Variants in SCFD2 observed in about 807,000 individuals in gnomAD.
The protein encoded by SCFD2 is sec1 family domain containing 2, also known as sec1 family domain-containing protein 2.
In SCFD2, 54 loss-of-function variants were observed where a neutral mutation model predicts 58.9. The ratio of observed to expected loss-of-function variants is 0.92; its 90% CI spans 0.74 to 1.15. The LOEUF (loss-of-function observed/expected upper bound fraction) is 1.15. Among genes scored for constraint, SCFD2 ranks in the 50% most tolerant of loss-of-function variants. SCFD2 has a pLI of 0.00. For synonymous variants in SCFD2, 321 were observed against 335.9 expected, an observed-to-expected ratio of 0.96 and a Z score of 0.49; for missense variants, 805 against 836.6, an observed-to-expected ratio of 0.96 and a Z score of 0.47.
intron 4 of SCFD2, among the ~76,000 whole-genome samples, chr4:53,207,491 T>TATATATACACACACACACATAA (rs1423322157): frequency 4.6e-5 from 1 of 21,790 alleles, no homozygotes; most frequent in African/African-American, 2.1e-4. Flanking sequence ...TATATATATA[T>TATATATACACACACACACATAA]TTCATATATA....
chr4:53,336,762 G>A (rs1322176337), intron 2 of SCFD2, among the ~76,000 whole-genome samples: 3 of 152,100 alleles, frequency 2.0e-5, no homozygotes. Context: ...TGATCCTCCT[G>A]TCTTGGCCTC....
At chr4:53,345,647 T>C (rs575809341) in intron 2 of SCFD2, among the ~76,000 whole-genome samples, 24 of 151,888 alleles carry the variant, frequency 1.6e-4, no homozygotes, top group African/African-American at 4.9e-4. Flanking sequence ...CACACGCACA[T>C]GTATGTTTAT....
intron 7 of SCFD2, among the ~76,000 whole-genome samples, chr4:52,896,067 T>C (rs1719001185): frequency 6.6e-6 from 1 of 152,186 alleles, no homozygotes. Context: ...TATTAGCCCT[T>C]TGTCAGATGA....
intron 3 of SCFD2, among the ~76,000 whole-genome samples, chr4:53,300,189 G>A (rs1361248446): frequency 6.6e-6 from 1 of 152,118 alleles, no homozygotes; most frequent in African/African-American, 2.4e-5. Context: ...TCAGTATGCT[G>A]TATTCAGGAA....
chr4:53,024,082 C>A (rs972041993), intron 5 of SCFD2, among the ~76,000 whole-genome samples: 2 of 152,112 alleles, frequency 1.3e-5, no homozygotes, highest in Non-Finnish European at 2.9e-5. Flanking sequence ...AAACAACCAA[C>A]CAATGGAAAC....
intron 5 of SCFD2, among the ~76,000 whole-genome samples, chr4:53,136,462 C>T (rs1725945998): frequency 6.6e-6 from 1 of 152,176 alleles, no homozygotes; most frequent in Non-Finnish European, 1.5e-5. Context: ...ATCCACAAAA[C>T]TCCCAAAAAG....
intron 2 of SCFD2, among the ~76,000 whole-genome samples, chr4:53,330,335 C>G (rs957498334): frequency 2.0e-5 from 3 of 151,664 alleles, no homozygotes; most frequent in African/African-American, 7.3e-5. Flanking sequence ...ATGTTCAGGG[C>G]AGCCAGAGAG....
intron 4 of SCFD2, among the ~76,000 whole-genome samples, chr4:53,214,269 C>T (rs537944159): frequency 6.6e-6 from 1 of 152,238 alleles, no homozygotes; most frequent in Non-Finnish European, 1.5e-5. Context: ...TACAATCCCA[C>T]CAACAGTGTA....
intron 4 of SCFD2, among the ~76,000 whole-genome samples, chr4:53,243,712 A>G (rs1446588915): frequency 2.0e-5 from 3 of 152,036 alleles, no homozygotes; most frequent in Non-Finnish European, 2.9e-5. Flanking sequence ...AAAAGAGAGA[A>G]AAAAAAGAAC....
intron 5 of SCFD2, among the ~76,000 whole-genome samples, chr4:53,056,622 G>T (rs1723348515): frequency 6.6e-6 from 1 of 152,016 alleles, no homozygotes; most frequent in African/African-American, 2.4e-5. Flanking sequence ...GAACTGTCAT[G>T]ACTTCATTCT....
chr4:53,226,560 C>T (rs1560396544), intron 4 of SCFD2, among the ~76,000 whole-genome samples: 2 of 151,854 alleles, frequency 1.3e-5, no homozygotes, highest in South Asian at 4.1e-4. Flanking sequence ...CAATGAAGTT[C>T]ATAAAATAAA....
chr4:52,902,269 T>C (rs911425209), intron 7 of SCFD2, among the ~76,000 whole-genome samples: 1 of 152,204 alleles, frequency 6.6e-6, no homozygotes, highest in Non-Finnish European at 1.5e-5. Context: ...GGACAGTCTA[T>C]ATCTCCCAAG....
At chr4:52,976,786 TA>T (rs1166497581) in intron 5 of SCFD2, among the ~76,000 whole-genome samples, 2 of 152,190 alleles carry the variant, frequency 1.3e-5, no homozygotes, top group Non-Finnish European at 2.9e-5. Flanking sequence ...ACAGCTTTTT[TA>T]TTCACTCATA....
chr4:53,043,970 C>T (rs528306232), intron 5 of SCFD2, among the ~76,000 whole-genome samples: 4 of 152,186 alleles, frequency 2.6e-5, no homozygotes, highest in East Asian at 3.9e-4. Flanking sequence ...GTGGTAGCCC[C>T]GGAGTTCACT....
At chr4:53,026,593 A>T (rs1722479135) in intron 5 of SCFD2, among the ~76,000 whole-genome samples, 1 of 152,216 alleles carries the variant, frequency 6.6e-6, no homozygotes, top group Non-Finnish European at 1.5e-5. Context: ...CTTGCCAGCT[A>T]GGGACATGTG....
chr4:52,929,375 T>G lies in SCFD2; in HGVS notation c.1562-8505A>C, dbSNP rs190506441. Among the ~76,000 whole-genome samples the G allele has an allele frequency of 5.4e-4, 83 of 152,304 alleles. No homozygotes were observed. In the East Asian group the frequency reaches 0.011, roughly 20 times the overall value. ...ATAACAAAACAAAAACCAGTTGCACTACTTTCTAAAGCCTCCAGCAAATTC... is the reference window on the plus strand; with the variant it reads ...ATAACAAAACAAAAACCAGTTGCACGACTTTCTAAAGCCTCCAGCAAATTC... On this transcript the variant is annotated intron_variant, in intron 5 of 8. Transcript: ENST00000401642.
In SCFD2 at chr4:52,996,016, T is replaced by A. The variant is rs139029975; in HGVS notation, c.1562-75146A>T. Among the ~76,000 whole-genome samples the A allele has an allele frequency of 1.1e-4, 16 of 152,346 alleles. No individual in the cohort carries two copies. In the East Asian group the frequency reaches 3.1e-3, roughly 29 times the overall value. ...ATCCAGAGTGTCACTCTCTGCCTAT[T>A]CAACATTAAACAAATGACTGAAATC... On this transcript the variant is annotated intron_variant, in intron 5 of 8. Coordinates refer to ENST00000401642, the MANE Select transcript of SCFD2 (RefSeq NM_152540.4).
Position 52,938,791 on chromosome 4 carries a change from T to C in SCFD2, c.1562-17921A>G, listed in dbSNP as rs185074130. 1.4e-4 allele frequency among the ~76,000 whole-genome samples: 21 copies of C among 152,340 alleles called. No homozygotes were observed. In the East Asian group the frequency reaches 2.1e-3, roughly 15 times the overall value. Reference sequence around the variant, plus strand: ...TTAAAGTAACCTAAATGAATAAGGTTTCATTGTGTTTCAAAGTCAACTCAT... The same window carrying C: ...TTAAAGTAACCTAAATGAATAAGGTCTCATTGTGTTTCAAAGTCAACTCAT... On this transcript the variant is annotated intron_variant, in intron 5 of 8. Transcript: ENST00000401642.
chr4:53,297,277 C>G (rs149010928), intron 3 of SCFD2, among the ~76,000 whole-genome samples: 1 of 152,154 alleles, frequency 6.6e-6, no homozygotes, highest in East Asian at 1.9e-4. Flanking sequence ...GAGTCTACAT[C>G]TCTTTGTAGG....
Sources: gnomAD v4.1 joint callset for allele counts (sites outside exome capture counted in the v4.1 genomes callset) on GRCh38, gnomAD v4.1.1 for gene constraint, MANE v1.5 for transcripts, NCBI Gene and HGNC (gene_info 2026-07-23, HGNC 2026-07-21) for gene names.